The following TAS2R1 variants were observed in gnomAD, a reference collection of about 807,000 sequenced individuals.
The protein encoded by TAS2R1 is taste receptor type 2 member 1.
For missense variants in TAS2R1, 370 were observed against 353.4 expected (o/e 1.05, Z -0.38); for synonymous variants, 141 against 134.2 (o/e 1.05, Z -0.35).
the TAS2R1 span, chr5:9,854,620 A>T: frequency 6.6e-6 from 1 of 152,238 alleles, no homozygotes; most frequent in African/African-American, 2.4e-5. Flanking sequence ...CCAAATATCT[A>T]AAAAAGAAAG....
At chr5:9,813,741 G>T in the TAS2R1 span, among the ~76,000 whole-genome samples, 1 of 152,136 alleles carries the variant, frequency 6.6e-6, no homozygotes, top group East Asian at 1.9e-4. Flanking sequence ...GCTTGAAAAT[G>T]AATTATATTT....
the TAS2R1 span, among the ~76,000 whole-genome samples, chr5:9,835,332 C>T: frequency 0.017 from 2,624 of 152,250 alleles, 75 homozygotes; most frequent in African/African-American, 0.057. Context: ...ATTCATGTGA[C>T]GCTACACTAG....
chr5:9,660,992 C>CT (rs973293602), intron 1 of TAS2R1, among the ~76,000 whole-genome samples: 1 of 152,190 alleles, frequency 6.6e-6, no homozygotes, highest in Non-Finnish European at 1.5e-5. Context: ...ACAAGGTGAT[C>CT]TTTTTCTCCT....
At chr5:9,817,794 A>G in the TAS2R1 span, among the ~76,000 whole-genome samples, 12 of 151,144 alleles carry the variant, frequency 7.9e-5, no homozygotes, top group African/African-American at 2.9e-4. Context: ...ATTGCTGGGG[A>G]GGCTTCAGGA....
the TAS2R1 span, among the ~76,000 whole-genome samples, chr5:9,835,724 C>T: frequency 5.9e-5 from 9 of 152,120 alleles, no homozygotes; most frequent in African/African-American, 2.2e-4. Context: ...CCTGGGAGGG[C>T]CTGGGTTCAA....
At chr5:9,661,468 G>T (rs899703390) in intron 1 of TAS2R1, among the ~76,000 whole-genome samples, 2 of 152,110 alleles carry the variant, frequency 1.3e-5, no homozygotes, top group Admixed American at 1.3e-4. Context: ...GTCTGGCACC[G>T]ACTGAAAAAA....
the TAS2R1 span, among the ~76,000 whole-genome samples, chr5:9,818,215 T>C: frequency 1.1e-4 from 17 of 152,126 alleles, no homozygotes; most frequent in African/African-American, 3.9e-4. Context: ...TCAAATTGTG[T>C]TATACAAGTG....
At chr5:9,645,570 G>C (rs1271044020) in intron 2 of TAS2R1, 1 of 152,214 alleles carries the variant, frequency 6.6e-6, no homozygotes, top group African/African-American at 2.4e-5. Context: ...ACTTGGGGCT[G>C]ACTCCATCAC....
At chr5:9,707,020 A>C (rs1175809223) in intron 1 of TAS2R1, among the ~76,000 whole-genome samples, 2 of 152,218 alleles carry the variant, frequency 1.3e-5, no homozygotes, top group African/African-American at 4.8e-5. Context: ...TACTCAGCTT[A>C]CTCTTGCCTC....
chr5:9,717,368 T>TAGAATA (rs1304130448), upstream of TAS2R1, among the ~76,000 whole-genome samples: 1 of 151,792 alleles, frequency 6.6e-6, no homozygotes, highest in African/African-American at 2.4e-5. Context: ...AACAGTAAAC[T>TAGAATA]AGAATAAGTG....
At chr5:9,793,635 G>A in the TAS2R1 span, among the ~76,000 whole-genome samples, 3 of 152,194 alleles carry the variant, frequency 2.0e-5, no homozygotes, top group African/African-American at 7.2e-5. Flanking sequence ...CTGGGGTGGT[G>A]AGTCCTTCAG....
the TAS2R1 span, among the ~76,000 whole-genome samples, chr5:9,853,924 C>A: frequency 6.6e-6 from 1 of 152,150 alleles, no homozygotes; most frequent in Non-Finnish European, 1.5e-5. Context: ...TGAAAGGGTT[C>A]TTCCTGTTTT....
At chr5:9,867,419 T>C in the TAS2R1 span, among the ~76,000 whole-genome samples, 1 of 152,092 alleles carries the variant, frequency 6.6e-6, no homozygotes, top group Non-Finnish European at 1.5e-5. Context: ...AGCAAAGGAA[T>C]GTCTTAAATG....
chr5:9,833,056 T>C, the TAS2R1 span, among the ~76,000 whole-genome samples: 2 of 152,226 alleles, frequency 1.3e-5, no homozygotes, highest in Admixed American at 1.3e-4. Flanking sequence ...AGACAAAAGA[T>C]TGCATTCTTC....
At chr5:9,786,815 C>T in the TAS2R1 span, among the ~76,000 whole-genome samples, 1 of 152,196 alleles carries the variant, frequency 6.6e-6, no homozygotes, top group East Asian at 1.9e-4. Context: ...CTATGAGCTG[C>T]CCCCAACCTT....
the TAS2R1 span, among the ~76,000 whole-genome samples, chr5:9,858,714 G>T: frequency 2.6e-5 from 4 of 152,214 alleles, no homozygotes; most frequent in African/African-American, 9.6e-5. Flanking sequence ...GAAATTGGGA[G>T]TCTGACGAGG....
At chr5:9,722,591 T>A in the TAS2R1 span, among the ~76,000 whole-genome samples, 10 of 152,228 alleles carry the variant, frequency 6.6e-5, no homozygotes, top group African/African-American at 1.9e-4. Context: ...TGGGTCAGTC[T>A]CAACTTGCAA....
intron 1 of TAS2R1, among the ~76,000 whole-genome samples, chr5:9,672,141 G>A (rs1345260274): frequency 1.3e-5 from 2 of 151,998 alleles, no homozygotes. Flanking sequence ...AAATTTAACT[G>A]ATGATAAATC....
At chr5:9,803,370 C>G in the TAS2R1 span, among the ~76,000 whole-genome samples, 1 of 152,060 alleles carries the variant, frequency 6.6e-6, no homozygotes, top group Non-Finnish European at 1.5e-5. Flanking sequence ...TCTAGACTTC[C>G]AAATATAAGA....
Sources: gnomAD v4.1 joint callset for allele counts (sites outside exome capture counted in the v4.1 genomes callset) on GRCh38, gnomAD v4.1.1 for gene constraint, MANE v1.5 for transcripts, NCBI Gene and HGNC (gene_info 2026-07-23, HGNC 2026-07-21) for gene names.